PIK3CD: variants seen among roughly 807,000 people sequenced by gnomAD.
PIK3CD encodes phosphatidylinositol-4,5-bisphosphate 3-kinase catalytic subunit delta.
Under a neutral mutation model 122.9 loss-of-function variants are expected in PIK3CD, and 20 were observed. The observed-to-expected ratio is 0.16, with a 90% CI of 0.11 to 0.24. The LOEUF (loss-of-function observed/expected upper bound fraction) is 0.24, where lower values mean the gene tolerates loss of function less well. Ranked by LOEUF, PIK3CD falls within the 10% of genes least tolerant of loss-of-function variation. The probability of loss-of-function intolerance (pLI) is 1.00; values close to 1 mark genes in which losing one functional copy is unlikely to be tolerated. For synonymous variants in PIK3CD, 596 were observed against 593.4 expected, an observed-to-expected ratio of 1.00 and a Z score of -0.06; for missense variants, 787 against 1,406.3, an observed-to-expected ratio of 0.56 and a Z score of 7.04.
At chr1:9,679,917 C>T (rs1192591795) in intron 1 of PIK3CD, among the ~76,000 whole-genome samples, 6 of 152,052 alleles carry the variant, frequency 3.9e-5, no homozygotes, top group African/African-American at 1.2e-4. Context: ...CTCTGCCTCC[C>T]GGGTTCAAGT....
At chr1:9,697,689 C>T (rs546484569) in intron 2 of PIK3CD, among the ~76,000 whole-genome samples, 16 of 149,770 alleles carry the variant, frequency 1.1e-4, no homozygotes, top group African/African-American at 3.7e-4. Context: ...GTCATGATCA[C>T]GCCATTGCAC....
the PIK3CD span, among the ~76,000 whole-genome samples, chr1:9,637,083 G>C: frequency 1.3e-5 from 2 of 152,024 alleles, no homozygotes; most frequent in East Asian, 1.9e-4. Context: ...ATTTTTAGTA[G>C]AGATGGGGTT....
At chr1:9,640,920 G>A in the PIK3CD span, among the ~76,000 whole-genome samples, 4 of 152,024 alleles carry the variant, frequency 2.6e-5, no homozygotes, top group Admixed American at 6.6e-5. Context: ...CAAAGCCTGC[G>A]ATGCTCTGGC....
In PIK3CD at chr1:9,718,438, G is replaced by T. The variant is rs756546225; in HGVS notation, c.1021-256G>T. ...ATGGGGAAACTGAGGCCTGGAGTGG[G>T]GAATGGACATGCCCCGAGGTCCCCA... is the stretch of plus-strand genomic sequence containing the variant. On this transcript the variant is annotated intron_variant, in intron 8 of 23. Transcript: ENST00000377346. This position sits in a 1 kb window ranked among gnomAD's most constrained non-coding sequence, Gnocchi z 7.2. Among the ~76,000 whole-genome samples the T allele has an allele frequency of 6.6e-6, 1 of 152,102 alleles. No individual in the cohort carries two copies. Among genetic ancestry groups the T allele is most frequent in the Non-Finnish European group, 1.5e-5 (1 of 68,002 alleles).
intron 2 of PIK3CD, among the ~76,000 whole-genome samples, chr1:9,703,831 G>A (rs574193321): frequency 2.0e-5 from 3 of 152,130 alleles, no homozygotes; most frequent in African/African-American, 4.8e-5. Context: ...ACTCTTGCCC[G>A]TGTCTTTTGA....
upstream of PIK3CD, among the ~76,000 whole-genome samples, chr1:9,648,054 G>T (rs758817243): frequency 2.6e-5 from 4 of 152,144 alleles, no homozygotes; most frequent in Non-Finnish European, 5.9e-5. Flanking sequence ...ATATTGGTTT[G>T]GTCTGTTGGA....
intron 2 of PIK3CD, among the ~76,000 whole-genome samples, chr1:9,693,278 G>A (rs1438573077): frequency 6.6e-6 from 1 of 152,074 alleles, no homozygotes; most frequent in Non-Finnish European, 1.5e-5. Context: ...AGGCTGGAGT[G>A]CAGTGATGCA....
In PIK3CD at chr1:9,715,795, G is replaced by A. The variant is rs368080143; in HGVS notation, c.370+26G>A. On this transcript the variant is annotated intron_variant, in intron 4 of 23. Transcript: ENST00000377346. This position sits in a 1 kb window ranked among gnomAD's most constrained non-coding sequence, Gnocchi z 4.1. ...GTAGCTCTGCCGAGTGGGCCGTGTG[G>A]CCGGGCTGGCCCTGCCTGCCCCACC... The A allele has an allele frequency of 6.2e-7, 1 of 1,612,462 alleles. No individual in the cohort carries two copies.
At chr1:9,670,861 G>A (rs1366053059) in intron 1 of PIK3CD, among the ~76,000 whole-genome samples, 2 of 151,824 alleles carry the variant, frequency 1.3e-5, no homozygotes, top group African/African-American at 2.4e-5. Flanking sequence ...TGGTTCAAGC[G>A]ATTCTCATGC....
intron 2 of PIK3CD, among the ~76,000 whole-genome samples, chr1:9,698,361 C>T (rs1349045795): frequency 6.6e-6 from 1 of 152,174 alleles, no homozygotes; most frequent in South Asian, 2.1e-4. Context: ...AGGCTGGTCT[C>T]GAACTCCCAA....
Position 9,724,561 on chromosome 1 carries a change from G to T in PIK3CD, c.2864+140G>T. The T allele has an allele frequency of 9.0e-7, 1 of 1,111,602 alleles. No homozygotes were observed. Among genetic ancestry groups the T allele is most frequent in the Non-Finnish European group, 1.3e-6 (1 of 749,986 alleles). The allele number at this position is 1,111,602 out of a possible 1,614,324, so 68.9% of individuals were successfully genotyped here. A position where few individuals can be genotyped will look rare whatever the true frequency, so the allele number is the denominator to read the frequency against. On this transcript the variant is annotated intron_variant, in intron 22 of 23. Transcript: ENST00000377346. The surrounding 1 kb of genome is among the most constrained non-coding windows in gnomAD (Gnocchi z 7.3). ...CCTCACCCCAACTGTTGATGGGTTTGGAACATGCCCCTGCTCCACCCTGCA... is the reference window on the plus strand; with the variant it reads ...CCTCACCCCAACTGTTGATGGGTTTTGAACATGCCCCTGCTCCACCCTGCA...
intron 2 of PIK3CD, among the ~76,000 whole-genome samples, chr1:9,709,188 C>G (rs1368287954): frequency 6.6e-6 from 1 of 151,920 alleles, no homozygotes; most frequent in Non-Finnish European, 1.5e-5. Context: ...TGCCACCATG[C>G]CCGGCTAATT....
intron 2 of PIK3CD, among the ~76,000 whole-genome samples, chr1:9,706,909 G>A (rs1646854472): frequency 6.6e-6 from 1 of 150,590 alleles, no homozygotes; most frequent in Non-Finnish European, 1.5e-5. Context: ...AGGCTCAAGT[G>A]ATCCTTCCAC....
Position 9,716,550 on chromosome 1 carries a change from A to G in PIK3CD, c.711A>G (p.Glu237=). 6.2e-7 allele frequency: 1 copy of G among 1,607,672 alleles called. No homozygotes were observed. The highest frequency in any genetic ancestry group is 8.5e-7 in the Non-Finnish European group (1 of 1,178,362). The part of the protein sequence containing the change: ...VFRQPLVEQP[E]DYTLQVNGRH... ...GGCAGCCGCTGGTGGAGCAGCCGGA[A>G]GACTACACGCTGCAGGTGAACGGCA... Residue 237 remains glutamate, a synonymous_variant, in exon 6 of 24, where the codon GAA becomes GAG. Coordinates refer to ENST00000377346, the MANE Select transcript of PIK3CD (RefSeq NM_005026.5).
chr1:9,668,865 C>G (rs1645240233), intron 1 of PIK3CD, among the ~76,000 whole-genome samples: 1 of 152,154 alleles, frequency 6.6e-6, no homozygotes, highest in South Asian at 2.1e-4. Flanking sequence ...GTGGTCTTAG[C>G]TCCCTGAGCA....
At position 9,717,716 on chromosome 1, in the gene PIK3CD, G is replaced by GA; in HGVS notation, c.1020+91dup. On this transcript the variant is annotated intron_variant, in intron 8 of 23. Transcript: ENST00000377346. The surrounding 1 kb of genome is among the most constrained non-coding windows in gnomAD (Gnocchi z 5.4). Reference sequence around the variant, plus strand: ...GGAGGGGTAGCAGAGGAAGGAGGGGGATCACATGAAAGCCACCTGACCACA... The same window carrying GA: ...GGAGGGGTAGCAGAGGAAGGAGGGGGAATCACATGAAAGCCACCTGACCACA... 8.3e-7 allele frequency: 1 copy of GA among 1,210,442 alleles called. No individual in the cohort carries two copies. Among genetic ancestry groups the GA allele is most frequent in the Non-Finnish European group, 1.2e-6 (1 of 830,904 alleles). 75.0% of individuals were successfully genotyped at this position (1,210,442 alleles called of 1,614,324 possible).
intron 1 of PIK3CD, among the ~76,000 whole-genome samples, chr1:9,656,880 T>C (rs2100763250): frequency 6.7e-6 from 1 of 148,862 alleles, no homozygotes; most frequent in East Asian, 2.0e-4. Flanking sequence ...GAGGCAGAGG[T>C]TGTAGTGAGC....
chr1:9,630,739 T>TGTGCGCGC, the PIK3CD span, among the ~76,000 whole-genome samples: 4 of 150,852 alleles, frequency 2.7e-5, no homozygotes, highest in East Asian at 4.0e-4. Context: ...TGTGTGTGTG[T>TGTGCGCGC]GCAGAAGAGG....
chr1:9,726,324 C>A (rs541127281), intron 23 of PIK3CD, among the ~76,000 whole-genome samples: 3 of 151,650 alleles, frequency 2.0e-5, no homozygotes, highest in Admixed American at 1.3e-4. Flanking sequence ...CTGGCTAACA[C>A]GGTGAAACCC....
Sources: gnomAD v4.1 joint callset for allele counts (sites outside exome capture counted in the v4.1 genomes callset) on GRCh38, gnomAD v4.1.1 for gene constraint, Gnocchi (gnomAD v3.1) non-coding constraint, MANE v1.5 for transcripts, NCBI Gene and HGNC (gene_info 2026-07-23, HGNC 2026-07-21) for gene names.